The following RBFOX1 variants were observed in gnomAD, a reference collection of about 807,000 sequenced individuals.
The protein encoded by RBFOX1 is RNA binding protein fox-1 homolog 1.
A neutral mutation model predicts 57.7 loss-of-function variants in RBFOX1; 8 were observed. The ratio of observed to expected loss-of-function variants is 0.14; its 90% CI spans 0.08 to 0.25. RBFOX1 has a LOEUF of 0.25. Among genes scored for constraint, RBFOX1 ranks in the 10% least tolerant of loss-of-function variants. The probability of loss-of-function intolerance (pLI) is 1.00; values close to 1 mark genes in which losing one functional copy is unlikely to be tolerated. For synonymous variants in RBFOX1, 326 were observed against 222.4 expected, an observed-to-expected ratio of 1.47 and a Z score of -4.15; for missense variants, 611 against 548.5, an observed-to-expected ratio of 1.11 and a Z score of -1.14.
chr16:6,830,817 T>C (rs1308043962), intron 3 of RBFOX1, among the ~76,000 whole-genome samples: 1 of 152,164 alleles, frequency 6.6e-6, no homozygotes, highest in Admixed American at 6.5e-5. Context: ...CCAGATAAAA[T>C]CGGTGTTGAC....
At chr16:6,465,761 A>G (rs185344701) in intron 2 of RBFOX1, among the ~76,000 whole-genome samples, 2 of 152,222 alleles carry the variant, frequency 1.3e-5, no homozygotes, top group African/African-American at 2.4e-5. Flanking sequence ...CATGTGGTCC[A>G]AAATATTTAC....
intron 9 of RBFOX1, among the ~76,000 whole-genome samples, chr16:7,599,509 A>G (rs1235870663): frequency 3.3e-5 from 5 of 152,168 alleles, no homozygotes; most frequent in Non-Finnish European, 7.3e-5. Context: ...TTTCTGGAAT[A>G]TGAGGTATGC....
chr16:6,895,305 T>C (rs1567759463), intron 3 of RBFOX1, among the ~76,000 whole-genome samples: 1 of 151,308 alleles, frequency 6.6e-6, no homozygotes, highest in Non-Finnish European at 1.5e-5. Context: ...AAAAAATATA[T>C]AAAACTGGTT....
intron 1 of RBFOX1, among the ~76,000 whole-genome samples, chr16:6,207,889 C>A (rs1019213539): frequency 6.6e-6 from 1 of 151,918 alleles, no homozygotes; most frequent in Non-Finnish European, 1.5e-5. Flanking sequence ...CAGCCTGTTG[C>A]CTAGGCTGAG....
chr16:6,379,521 A>C (rs1207219110), intron 2 of RBFOX1, among the ~76,000 whole-genome samples: 1 of 152,136 alleles, frequency 6.6e-6, no homozygotes, highest in East Asian at 1.9e-4. Context: ...CCCACTGAAA[A>C]AAACTGAGTA....
At chr16:6,121,992 G>A (rs2096553503) in intron 1 of RBFOX1, among the ~76,000 whole-genome samples, 1 of 152,146 alleles carries the variant, frequency 6.6e-6, no homozygotes, top group African/African-American at 2.4e-5. Flanking sequence ...TGCAACCCCT[G>A]CCTCCGGGGT....
At chr16:5,966,835 C>T (rs2059853073) in intron 4 of RBFOX1, among the ~76,000 whole-genome samples, 1 of 152,076 alleles carries the variant, frequency 6.6e-6, no homozygotes. Flanking sequence ...CAAACCATAT[C>T]AGCAGCCTCA....
chr16:5,739,611 T>A (rs545907284), intron 3 of RBFOX1, among the ~76,000 whole-genome samples: 1 of 152,344 alleles, frequency 6.6e-6, no homozygotes, highest in African/African-American at 2.4e-5. Flanking sequence ...ATTGAGGTAT[T>A]TTGCAGCAGA....
At chr16:7,600,347 G>A (rs560524915) in intron 9 of RBFOX1, among the ~76,000 whole-genome samples, 1 of 152,128 alleles carries the variant, frequency 6.6e-6, no homozygotes, top group African/African-American at 2.4e-5. Flanking sequence ...GAGAACTTTG[G>A]TGTTCAAAGA....
intron 6 of RBFOX1, among the ~76,000 whole-genome samples, chr16:7,582,026 A>C (rs1220322151): frequency 1.4e-4 from 20 of 146,696 alleles, no homozygotes; most frequent in Admixed American, 1.3e-3. Context: ...CCCATCCAGC[A>C]CCCCCCCCCC....
chr16:7,394,955 AC>A (rs1376988189), intron 4 of RBFOX1, among the ~76,000 whole-genome samples: 5 of 152,044 alleles, frequency 3.3e-5, no homozygotes, highest in African/African-American at 1.2e-4. Flanking sequence ...GAGAATATAT[AC>A]CCATCATGGT....
At chr16:6,210,699 T>G (rs1417101718) in intron 1 of RBFOX1, among the ~76,000 whole-genome samples, 1 of 151,646 alleles carries the variant, frequency 6.6e-6, no homozygotes, top group African/African-American at 2.4e-5. Flanking sequence ...CTCCAGTGCC[T>G]GGGTGACACA....
intron 4 of RBFOX1, among the ~76,000 whole-genome samples, chr16:7,145,123 C>T (rs1046169407): frequency 2.0e-5 from 3 of 152,216 alleles, no homozygotes; most frequent in South Asian, 2.1e-4. Context: ...ACCTACAAGT[C>T]TCAGGATGGT....
chr16:7,307,927 T>C (rs746799831), intron 4 of RBFOX1, among the ~76,000 whole-genome samples: 14 of 152,226 alleles, frequency 9.2e-5, no homozygotes, highest in Non-Finnish European at 1.8e-4. Flanking sequence ...GTGAATCTTC[T>C]TGAAGCTGAA....
At chr16:5,310,774 C>G (rs1026358697) in intron 1 of RBFOX1, among the ~76,000 whole-genome samples, 1 of 152,142 alleles carries the variant, frequency 6.6e-6, no homozygotes, top group African/African-American at 2.4e-5. Context: ...GGAAAAAATA[C>G]TGGGGTTTGC....
chr16:6,305,855 A>T (rs558761110), intron 1 of RBFOX1, among the ~76,000 whole-genome samples: 1 of 152,108 alleles, frequency 6.6e-6, no homozygotes, highest in Admixed American at 6.5e-5. Context: ...TCACGTATGC[A>T]CTTGCCTCTG....
intron 1 of RBFOX1, among the ~76,000 whole-genome samples, chr16:6,280,211 ACT>A (rs1290484126): frequency 6.6e-6 from 1 of 151,740 alleles, no homozygotes; most frequent in Non-Finnish European, 1.5e-5. Context: ...TTGTCCAAAG[ACT>A]CTCTGTTGGT....
chr16:5,779,356 G>T (rs1318100761), intron 3 of RBFOX1, among the ~76,000 whole-genome samples: 2 of 152,146 alleles, frequency 1.3e-5, no homozygotes, highest in Non-Finnish European at 2.9e-5. Context: ...CCTGCATTTT[G>T]AACCTAGCAC....
At chr16:6,024,708 T>TG (rs1198669391) in intron 1 of RBFOX1, among the ~76,000 whole-genome samples, 1 of 152,188 alleles carries the variant, frequency 6.6e-6, no homozygotes, top group African/African-American at 2.4e-5. Flanking sequence ...CTTAAACGCC[T>TG]GACCTCAAGT....
Sources: allele counts gnomAD v4.1 joint callset (sites outside exome capture counted in the v4.1 genomes callset), GRCh38; gene constraint gnomAD v4.1.1; transcripts MANE v1.5; gene names NCBI Gene and HGNC (gene_info 2026-07-23, HGNC 2026-07-21).